The following NT5C3A variants were observed in gnomAD, a reference collection of about 807,000 sequenced individuals.
NT5C3A encodes cytosolic 5'-nucleotidase 3A.
In NT5C3A, 23 loss-of-function variants were observed where a neutral mutation model predicts 40.0. The observed-to-expected ratio is 0.58, with a 90% CI of 0.41 to 0.81. The LOEUF (loss-of-function observed/expected upper bound fraction) is 0.81. Ranked by LOEUF, NT5C3A falls within the 40% of genes least tolerant of loss-of-function variation. The pLI is 0.00. For missense variants in NT5C3A, 328 were observed against 403.0 expected (o/e 0.81, Z 1.59); for synonymous variants, 130 against 141.4 (o/e 0.92, Z 0.57).
Position 33,014,592 on chromosome 7 carries a change from A to G in NT5C3A, c.*138T>C, listed in dbSNP as rs897510968. ...GGAGCTTCCAGTCAATGCATTCACC[A>G]TATCTGAAAATACTTCAGTTATACA... On this transcript the variant is annotated 3_prime_UTR_variant, in exon 9 of 9. Coordinates refer to ENST00000610140, the MANE Select transcript of NT5C3A (RefSeq NM_001002010.5). 3 of 1,276,718 alleles carry G rather than the reference A, an allele frequency of 2.3e-6. No homozygotes were observed. Among genetic ancestry groups the G allele is most frequent in the South Asian group, 1.3e-5 (1 of 78,680 alleles). 79.1% of individuals were successfully genotyped at this position (1,276,718 alleles called of 1,614,324 possible).
intron 1 of NT5C3A, among the ~76,000 whole-genome samples, chr7:33,057,776 G>T (rs889740166): frequency 6.6e-6 from 1 of 151,988 alleles, no homozygotes; most frequent in Non-Finnish European, 1.5e-5. Context: ...GCAATAAATC[G>T]TTGAGAGATA....
chr7:33,033,704 T>G (rs1192928612), intron 1 of NT5C3A, among the ~76,000 whole-genome samples: 2 of 151,866 alleles, frequency 1.3e-5, no homozygotes, highest in Non-Finnish European at 2.9e-5. Context: ...ATGCTGAGAT[T>G]AGGGAGGAAT....
chr7:33,053,345 G>A (rs1787446136), intron 1 of NT5C3A, among the ~76,000 whole-genome samples: 1 of 151,990 alleles, frequency 6.6e-6, no homozygotes, highest in East Asian at 1.9e-4. Flanking sequence ...GTGCCACCAC[G>A]CCTGGCTAAT....
rs1406278990 is a variant in NT5C3A at position 33,014,843 on chromosome 7, A to C, written c.895-12T>G. On this transcript the variant is annotated splice_polypyrimidine_tract_variant and intron_variant, in intron 8 of 8. Transcript: ENST00000610140. The stretch of plus-strand genomic sequence containing the variant: ...AAAAGCTCATCCACCTAATCAAGAG[A>C]TGAACAAAAGAAAATTAACATGCAG... 4.4e-6 allele frequency: 7 copies of C among 1,606,042 alleles called. No individual in the cohort carries two copies. Among genetic ancestry groups the C allele is most frequent in the Non-Finnish European group, 6.0e-6 (7 of 1,175,140 alleles).
At chr7:33,053,677 A>C (rs1787459896) in intron 1 of NT5C3A, among the ~76,000 whole-genome samples, 1 of 151,698 alleles carries the variant, frequency 6.6e-6, no homozygotes, top group African/African-American at 2.4e-5. Context: ...TAAATAAATA[A>C]ATGACTGAAA....
At chr7:33,056,473 C>CAAAAAAAAAAAAAAAAAA (rs70989927) in intron 1 of NT5C3A, among the ~76,000 whole-genome samples, 1 of 43,684 alleles carries the variant, frequency 2.3e-5, no homozygotes, top group African/African-American at 7.9e-5. Context: ...CCGTCTCTAC[C>CAAAAAAAAAAAAAAAAAA]AAAAAAAAAA....
At chr7:33,023,347 G>A (rs1330267956) in intron 3 of NT5C3A, among the ~76,000 whole-genome samples, 1 of 151,694 alleles carries the variant, frequency 6.6e-6, no homozygotes, top group Non-Finnish European at 1.5e-5. Flanking sequence ...CAAACTCCAC[G>A]TCCCGGGTTC....
intron 7 of NT5C3A, among the ~76,000 whole-genome samples, chr7:33,016,868 T>C (rs1785359748): frequency 6.6e-6 from 1 of 152,062 alleles, no homozygotes. Context: ...GGCTTCAAAG[T>C]TGCTGCATTA....
At chr7:33,033,374 C>A (rs1405146132) in intron 1 of NT5C3A, among the ~76,000 whole-genome samples, 1 of 152,160 alleles carries the variant, frequency 6.6e-6, no homozygotes, top group African/African-American at 2.4e-5. Context: ...TTAGTAATAG[C>A]GATTTCCCTT....
At position 33,035,829 on chromosome 7, in the gene NT5C3A, G is replaced by C; in HGVS notation, c.139-8914C>G. 3 of 857,172 alleles carry C rather than the reference G, an allele frequency of 3.5e-6. No homozygotes were observed. In the East Asian group the frequency reaches 7.2e-5, roughly 21 times the overall value. The allele number at this position is 857,172 out of a possible 1,614,324, so 53.1% of individuals were successfully genotyped here. ...TATTTTGTGATGCACTGTGAAGAAA[G>C]AGTTGTATAAAATTTCAGTCCCATA... is the stretch of plus-strand genomic sequence containing the variant. On this transcript the variant is annotated intron_variant, in intron 1 of 8. Coordinates refer to ENST00000610140, the MANE Select transcript of NT5C3A (RefSeq NM_001002010.5).
At chr7:33,017,700 C>A in intron 6 of NT5C3A, 99 bp from the exon 7 acceptor site, 1 of 924,736 alleles carries the variant, frequency 1.1e-6, no homozygotes, top group South Asian at 1.3e-5. Flanking sequence ...AATTCTATGG[C>A]TCACTCATAT....
At chr7:33,048,037 A>G (rs191780254) in intron 1 of NT5C3A, among the ~76,000 whole-genome samples, 66 of 151,938 alleles carry the variant, frequency 4.3e-4, no homozygotes, top group African/African-American at 1.5e-3. Flanking sequence ...TCTTACTTAA[A>G]TAGGATTAAA....
intron 1 of NT5C3A, among the ~76,000 whole-genome samples, chr7:33,048,176 TTGTGTGTGTG>T (rs10582278): frequency 6.7e-6 from 1 of 148,518 alleles, no homozygotes; most frequent in Non-Finnish European, 1.5e-5. Flanking sequence ...TACATTTGAT[TTGTGTGTGTG>T]TGTGTGTGTG....
chr7:33,020,700 G>A (rs56141389), intron 5 of NT5C3A, among the ~76,000 whole-genome samples: 4 of 151,670 alleles, frequency 2.6e-5, no homozygotes, highest in Admixed American at 1.3e-4. Flanking sequence ...TGAAATGTTC[G>A]TCAAGTGGGA....
chr7:33,044,938 T>G (rs191982047), intron 1 of NT5C3A, among the ~76,000 whole-genome samples: 40 of 152,332 alleles, frequency 2.6e-4, no homozygotes, highest in African/African-American at 9.6e-4. Context: ...AAAAGTTGCA[T>G]GTAAAAGAAA....
intron 1 of NT5C3A, among the ~76,000 whole-genome samples, chr7:33,033,329 T>C (rs1786386982): frequency 6.6e-6 from 1 of 152,220 alleles, no homozygotes; most frequent in African/African-American, 2.4e-5. Flanking sequence ...TAGATGATTC[T>C]CAGATTTATT....
chr7:33,058,643 G>A (rs1331726589), intron 1 of NT5C3A, among the ~76,000 whole-genome samples: 3 of 152,196 alleles, frequency 2.0e-5, no homozygotes, highest in East Asian at 1.9e-4. Flanking sequence ...GAGCCGCCGC[G>A]CCTGGCCCAG....
chr7:33,040,889 G>A (rs1446627551), intron 1 of NT5C3A: 8 of 985,176 alleles, frequency 8.1e-6, no homozygotes, highest in Non-Finnish European at 9.6e-6. Context: ...GTAACCGGAC[G>A]AGCTACACCA....
At chr7:33,018,707 G>A (rs146244210) in intron 6 of NT5C3A, among the ~76,000 whole-genome samples, 4,535 of 151,990 alleles carry the variant, frequency 0.03, 99 homozygotes, top group South Asian at 0.12. Context: ...AAAATTAGCC[G>A]GGCGTGGTGG....
Sources: allele counts gnomAD v4.1 joint callset (sites outside exome capture counted in the v4.1 genomes callset), GRCh38; gene constraint gnomAD v4.1.1; transcripts MANE v1.5; gene names NCBI Gene and HGNC (gene_info 2026-07-23, HGNC 2026-07-21).